Variants in ASTN2 observed in about 807,000 individuals in gnomAD.
ASTN2 encodes astrotactin 2, also known as astrotactin-2.
A neutral mutation model predicts 139.8 loss-of-function variants in ASTN2; 54 were observed. The ratio of observed to expected loss-of-function variants is 0.39; its 90% CI spans 0.31 to 0.48. ASTN2 has a LOEUF of 0.48. Ranked by LOEUF, ASTN2 falls within the 20% of genes least tolerant of loss-of-function variation. The pLI is 0.95. For missense variants in ASTN2, 1,565 were observed against 1,725.1 expected (o/e 0.91, Z 1.64); for synonymous variants, 756 against 719.5 (o/e 1.05, Z -0.81).
At chr9:117,370,879 CT>C (rs763229566) in intron 1 of ASTN2, among the ~76,000 whole-genome samples, 12 of 152,146 alleles carry the variant, frequency 7.9e-5, no homozygotes, top group Non-Finnish European at 1.5e-4. Context: ...CTGGCCTAAG[CT>C]TAAATTCTAC....
At chr9:116,747,869 T>C (rs1829289774) in intron 13 of ASTN2, among the ~76,000 whole-genome samples, 1 of 152,172 alleles carries the variant, frequency 6.6e-6, no homozygotes, top group Non-Finnish European at 1.5e-5. Context: ...TGTTACTAAC[T>C]CCTGCCCTGG....
intron 1 of ASTN2, among the ~76,000 whole-genome samples, chr9:117,370,374 C>T (rs887668023): frequency 6.6e-6 from 1 of 152,154 alleles, no homozygotes; most frequent in Non-Finnish European, 1.5e-5. Context: ...TCGGTGAACA[C>T]CAAAGGCACA....
At chr9:116,678,223 T>TA (rs1420960742) in intron 16 of ASTN2, among the ~76,000 whole-genome samples, 2 of 152,190 alleles carry the variant, frequency 1.3e-5, no homozygotes, top group Non-Finnish European at 2.9e-5. Context: ...TTGTTCAACT[T>TA]ACCTACTTTG....
intron 1 of ASTN2, among the ~76,000 whole-genome samples, chr9:117,297,003 G>A (rs531772780): frequency 6.6e-6 from 1 of 152,260 alleles, no homozygotes; most frequent in South Asian, 2.1e-4. Context: ...AAATCCCAAA[G>A]GCATGTTGTG....
At chr9:117,369,379 C>T (rs1219127187) in intron 1 of ASTN2, among the ~76,000 whole-genome samples, 3 of 151,916 alleles carry the variant, frequency 2.0e-5, no homozygotes, top group Non-Finnish European at 4.4e-5. Flanking sequence ...GGCCAGGCAC[C>T]ATTCAGTGAA....
chr9:116,969,488 G>C (rs902782797), intron 10 of ASTN2, among the ~76,000 whole-genome samples: 1 of 152,130 alleles, frequency 6.6e-6, no homozygotes, highest in Non-Finnish European at 1.5e-5. Flanking sequence ...CATTACTCTG[G>C]CAACACTTAA....
At chr9:116,877,389 C>T (rs1833331703) in intron 10 of ASTN2, among the ~76,000 whole-genome samples, 1 of 152,074 alleles carries the variant, frequency 6.6e-6, no homozygotes, top group Non-Finnish European at 1.5e-5. Flanking sequence ...AAATAACTGC[C>T]TTAATATCAA....
chr9:116,911,126 C>T (rs1834298215), intron 10 of ASTN2, among the ~76,000 whole-genome samples: 1 of 152,192 alleles, frequency 6.6e-6, no homozygotes, highest in Admixed American at 6.5e-5. Context: ...CAAAATTATT[C>T]CATAGCATCT....
At chr9:117,108,435 CAAA>C (rs769172151) in intron 4 of ASTN2, among the ~76,000 whole-genome samples, 2 of 48,654 alleles carry the variant, frequency 4.1e-5, no homozygotes, top group African/African-American at 1.2e-4. Flanking sequence ...CAAAACAAAA[CAAA>C]ACACACACAC....
At chr9:117,067,905 G>A (rs1368022325) in intron 5 of ASTN2, among the ~76,000 whole-genome samples, 2 of 121,898 alleles carry the variant, frequency 1.6e-5, no homozygotes, top group East Asian at 2.4e-4. Flanking sequence ...AGGAGATTTT[G>A]GGCTGAGACA....
chr9:117,414,968 CGGCGGCGGT>C lies in ASTN2; in HGVS notation c.-39_-31del, dbSNP rs541227245. 4,682 of 239,172 alleles carry C rather than the reference CGGCGGCGGT, an allele frequency of 0.02. 151 individuals carry two copies. The highest frequency in any genetic ancestry group is 0.021 in the Non-Finnish European group (2,962 of 138,532). The allele number at this position is 239,172 out of a possible 1,614,324, so 14.8% of individuals were successfully genotyped here. On this transcript the variant is annotated 5_prime_UTR_variant, in exon 1 of 23. Transcript: ENST00000313400. This position sits in a 1 kb window ranked among gnomAD's most constrained non-coding sequence, Gnocchi z 4.2. ...GGAGGGGCTGCGGTGCTGCGGGCGG[CGGCGGCGGT>C]GGCGGCGGTGGCGAAGGAGGAAGAG...
chr9:116,533,733 C>G (rs922809437), intron 19 of ASTN2, among the ~76,000 whole-genome samples: 4 of 152,216 alleles, frequency 2.6e-5, no homozygotes, highest in East Asian at 1.9e-4. Flanking sequence ...GGTGGATAAG[C>G]TTTTTGATGT....
chr9:116,552,032 CACATAT>C (rs1204860148), intron 19 of ASTN2: 1 of 124,352 alleles, frequency 8.0e-6, no homozygotes, highest in African/African-American at 3.2e-5. Context: ...CATATACATA[CACATAT>C]ACATATACTT....
At chr9:116,566,950 T>C (rs540490167) in intron 19 of ASTN2, among the ~76,000 whole-genome samples, 4 of 152,304 alleles carry the variant, frequency 2.6e-5, no homozygotes, top group African/African-American at 9.6e-5. Flanking sequence ...TTCTCTCACA[T>C]AGGCCTTTCC....
chr9:117,034,891 T>C (rs776237124), intron 6 of ASTN2, among the ~76,000 whole-genome samples: 1 of 152,178 alleles, frequency 6.6e-6, no homozygotes, highest in African/African-American at 2.4e-5. Context: ...AGGAACTGTG[T>C]CAGAACTCTT....
chr9:116,790,015 T>C (rs1830489117), intron 13 of ASTN2, among the ~76,000 whole-genome samples: 2 of 144,660 alleles, frequency 1.4e-5, no homozygotes, highest in South Asian at 2.3e-4. Flanking sequence ...AACATCTGCC[T>C]CCCTGGTTCA....
intron 16 of ASTN2, among the ~76,000 whole-genome samples, chr9:116,663,567 T>G (rs1350312735): frequency 6.6e-6 from 1 of 152,212 alleles, no homozygotes; most frequent in East Asian, 1.9e-4. Flanking sequence ...AAGATTGAGT[T>G]ACTTCTCCGT....
chr9:117,221,962 G>A (rs1379391101), intron 2 of ASTN2, among the ~76,000 whole-genome samples: 1 of 152,114 alleles, frequency 6.6e-6, no homozygotes, highest in East Asian at 1.9e-4. Context: ...TCCCTCCAAA[G>A]CTGCTAAGGA....
intron 2 of ASTN2, among the ~76,000 whole-genome samples, chr9:117,236,503 T>C (rs1014416681): frequency 3.9e-5 from 6 of 152,302 alleles, no homozygotes; most frequent in Middle Eastern, 3.4e-3. Context: ...CAGGGTGGGA[T>C]GTAGGACCCC....
Sources: gnomAD v4.1 joint callset for allele counts (sites outside exome capture counted in the v4.1 genomes callset) on GRCh38, gnomAD v4.1.1 for gene constraint, Gnocchi (gnomAD v3.1) non-coding constraint, MANE v1.5 for transcripts, NCBI Gene and HGNC (gene_info 2026-07-23, HGNC 2026-07-21) for gene names.